The following LAMA2 variants were observed in gnomAD, a reference collection of about 807,000 sequenced individuals.
The protein encoded by LAMA2 is laminin subunit alpha-2.
Under a neutral mutation model 364.8 loss-of-function variants are expected in LAMA2, and 269 were observed. The observed-to-expected ratio is 0.74, with a 90% confidence interval of 0.67 to 0.82. The LOEUF (loss-of-function observed/expected upper bound fraction) is 0.82. LAMA2 is among the 40% of genes least tolerant of loss of function. The pLI is 0.00. For synonymous variants in LAMA2, 1,379 were observed against 1,370.6 expected, an observed-to-expected ratio of 1.01 and a Z score of -0.14; for missense variants, 3,807 against 3,873.2, an observed-to-expected ratio of 0.98 and a Z score of 0.45.
intron 46 of LAMA2, 131 bp downstream of exon 46, chr6:129,453,262 C>T (rs1782780613): frequency 2.4e-6 from 2 of 842,356 alleles, no homozygotes; most frequent in South Asian, 1.4e-5. Context: ...ATTTGAAAAC[C>T]TCAACGTCTT....
rs1206931299 is a variant in LAMA2, at chr6:129,505,326, A to G, written c.8674A>G (p.Ile2892Val). The change falls in exon 61 of 65, where the codon ATC (isoleucine) becomes GTC (valine). Residue 2892 changes from isoleucine (I) to valine (V), a missense_variant. Physicochemically the swap from Ile to Val is conservative, Grantham distance 29. Around this residue, in one of 3 missense-constraint regions of LAMA2, gnomAD observed 3,333 missense variants for 3,345.7 expected, o/e 1.00. Transcript: ENST00000421865. ...VGMLYVGGLP[I>V]NYTTRRIGPV... ...AATGCTGTATGTTGGTGGGTTACCCATCAACTACACTACCCGAAGAATTGG... is the reference window on the plus strand; with the variant it reads ...AATGCTGTATGTTGGTGGGTTACCCGTCAACTACACTACCCGAAGAATTGG... 6.2e-7 allele frequency: 1 copy of G among 1,613,986 alleles called. No homozygotes were observed. Among genetic ancestry groups the G allele is most frequent in the East Asian group, 2.2e-5 (1 of 44,856 alleles).
intron 51 of LAMA2, 111 bp downstream of exon 51, chr6:129,465,400 C>G (rs1446241608): frequency 3.1e-6 from 3 of 962,568 alleles, no homozygotes; most frequent in South Asian, 1.3e-5. Flanking sequence ...CTCACGAGTT[C>G]AGTGAAAAAT....
In LAMA2 at chr6:129,490,848, C is replaced by CTTCA. The variant is rs1784824859; in HGVS notation, c.7899-1052_7899-1049dup. The CTTCA allele has an allele frequency of 4.6e-5, 7 of 152,300 alleles. No individual in the cohort carries two copies. The South Asian group carries it at 1.4e-3, about 32-fold the overall frequency. The allele number at this position is 152,300 out of a possible 1,614,324, so 9.4% of individuals were successfully genotyped here. A position where few individuals can be genotyped will look rare whatever the true frequency, so the allele number is the denominator to read the frequency against. On this transcript the variant is annotated intron_variant, in intron 56 of 64. Coordinates refer to ENST00000421865, the MANE Select transcript of LAMA2 (RefSeq NM_000426.4). ...TGAAACTAAATTTTACCGGTCCCTT[C>CTTCA]TTCACCCCCTTAACAGTGACGTTTT...
intron 12 of LAMA2, among the ~76,000 whole-genome samples, chr6:129,223,243 C>T (rs1346813768): frequency 6.6e-6 from 1 of 152,068 alleles, no homozygotes; most frequent in Non-Finnish European, 1.5e-5. Flanking sequence ...TGGATATTAG[C>T]CCTTTGTCAG....
At chr6:129,272,748 T>G (rs1392840794) in intron 17 of LAMA2, among the ~76,000 whole-genome samples, 1 of 152,168 alleles carries the variant, frequency 6.6e-6, no homozygotes, top group Non-Finnish European at 1.5e-5. Context: ...CATTACCACC[T>G]GAGCTCAGCC....
At position 129,225,754 on chromosome 6, in the gene LAMA2, C is replaced by G. The variant is rs193190274; in HGVS notation, c.1783-24358C>G. 2.9e-4 allele frequency among the ~76,000 whole-genome samples: 44 copies of G among 152,228 alleles called. 1 individual carries two copies. Among genetic ancestry groups the G allele is most frequent in the Middle Eastern group, 3.4e-3 (1 of 294 alleles). The stretch of plus-strand genomic sequence containing the variant: ...TTGCTGAGGAGTGCTTTACTTCCAA[C>G]TATGTGGTCAATTTTGGAATAAGTG... On this transcript the variant is annotated intron_variant, in intron 12 of 64. Transcript: ENST00000421865.
intron 58 of LAMA2, among the ~76,000 whole-genome samples, chr6:129,495,626 T>C (rs1017850238): frequency 6.6e-5 from 10 of 152,228 alleles, no homozygotes; most frequent in Admixed American, 2.0e-4. Context: ...GGCAGGTCTC[T>C]CAGCCTGTGC....
At chr6:129,121,725 TA>T (rs1776817747) in intron 4 of LAMA2, among the ~76,000 whole-genome samples, 1 of 152,214 alleles carries the variant, frequency 6.6e-6, no homozygotes, top group Non-Finnish European at 1.5e-5. Context: ...ATTATATTTA[TA>T]GCCTCGAGAA....
intron 1 of LAMA2, among the ~76,000 whole-genome samples, chr6:128,900,697 T>C (rs897267078): frequency 1.3e-5 from 2 of 152,220 alleles, no homozygotes; most frequent in Non-Finnish European, 2.9e-5. Context: ...TTAACAGCTA[T>C]TTAAAATACG....
intron 4 of LAMA2, among the ~76,000 whole-genome samples, chr6:129,110,575 C>T (rs889114681): frequency 6.6e-6 from 1 of 152,048 alleles, no homozygotes; most frequent in Non-Finnish European, 1.5e-5. Context: ...AGTTACAAGG[C>T]ACTCTGCCAT....
intron 52 of LAMA2, 76 bp from the exon 53 acceptor site, chr6:129,475,314 T>C (rs1784013574): frequency 3.4e-6 from 3 of 883,614 alleles, no homozygotes; most frequent in Non-Finnish European, 5.3e-6. Flanking sequence ...AAGTTTATTG[T>C]TTTACTAAAT....
At chr6:128,942,548 G>C (rs959373638) in intron 1 of LAMA2, among the ~76,000 whole-genome samples, 2 of 152,086 alleles carry the variant, frequency 1.3e-5, no homozygotes, top group Non-Finnish European at 2.9e-5. Context: ...AAAAGTATTT[G>C]TATGTGGGTC....
chr6:129,093,479 C>T (rs1011086386), intron 3 of LAMA2, among the ~76,000 whole-genome samples: 6 of 152,186 alleles, frequency 3.9e-5, no homozygotes, highest in African/African-American at 1.4e-4. Flanking sequence ...GGTAAAAACC[C>T]CAGTGCTGTA....
intron 40 of LAMA2, among the ~76,000 whole-genome samples, chr6:129,426,869 G>T (rs1011190487): frequency 6.6e-6 from 1 of 152,196 alleles, no homozygotes. Flanking sequence ...CGAGTGTTAT[G>T]TCTGTGATAA....
chr6:129,088,573 GC>G (rs1318015060), intron 3 of LAMA2, among the ~76,000 whole-genome samples: 1 of 150,418 alleles, frequency 6.6e-6, no homozygotes, highest in African/African-American at 2.5e-5. Context: ...GGTGGGGGCT[GC>G]CCCCACCTCC....
chr6:129,473,963 C>T (rs919240695), intron 52 of LAMA2, among the ~76,000 whole-genome samples: 2 of 151,936 alleles, frequency 1.3e-5, no homozygotes, highest in African/African-American at 4.8e-5. Context: ...AAAATACTCA[C>T]GTGCTGTGTA....
At chr6:129,486,732 C>A in intron 56 of LAMA2, 110 bp downstream of exon 56, 1 of 986,866 alleles carries the variant, frequency 1.0e-6, no homozygotes, top group Non-Finnish European at 1.6e-6. Context: ...ACCTACTATG[C>A]ATTGCAAAAG....
intron 8 of LAMA2, among the ~76,000 whole-genome samples, chr6:129,161,457 TAAAC>T (rs1338088758): frequency 2.6e-5 from 4 of 152,202 alleles, no homozygotes; most frequent in African/African-American, 7.2e-5. Context: ...ACTTTTATGT[TAAAC>T]AAATATTTTT....
At chr6:129,439,903 C>G (rs1176401230) in intron 42 of LAMA2, among the ~76,000 whole-genome samples, 1 of 149,054 alleles carries the variant, frequency 6.7e-6, no homozygotes, top group Non-Finnish European at 1.5e-5. Flanking sequence ...AGGTAACATT[C>G]AGAATAGTCA....
Sources: allele counts gnomAD v4.1 joint callset (sites outside exome capture counted in the v4.1 genomes callset), GRCh38; gene constraint gnomAD v4.1.1; regional missense constraint gnomAD v4.1.1; transcripts MANE v1.5; gene names NCBI Gene and HGNC (gene_info 2026-07-23, HGNC 2026-07-21).